The following DISP1 variants were observed in gnomAD, a reference collection of about 807,000 sequenced individuals.
DISP1 encodes protein dispatched homolog 1.
Under a neutral mutation model 37.3 loss-of-function variants are expected in DISP1, and 30 were observed. The ratio of observed to expected loss-of-function variants is 0.80; its 90% CI spans 0.60 to 1.09. DISP1 has a LOEUF of 1.09. Among genes scored for constraint, DISP1 ranks in the 50% least tolerant of loss-of-function variants. DISP1 has a pLI of 0.00. For missense variants in DISP1, 1,598 were observed against 1,879.5 expected (o/e 0.85, Z 2.77); for synonymous variants, 634 against 690.2 (o/e 0.92, Z 1.28).
chr1:222,932,252 A>G (rs1673445468), intron 2 of DISP1, among the ~76,000 whole-genome samples: 1 of 151,902 alleles, frequency 6.6e-6, no homozygotes, highest in African/African-American at 2.4e-5. Flanking sequence ...AAAAAATGCT[A>G]ATGTCCACAC....
intron 1 of DISP1, among the ~76,000 whole-genome samples, chr1:222,826,604 G>C (rs1228899798): frequency 6.6e-6 from 1 of 151,602 alleles, no homozygotes; most frequent in Non-Finnish European, 1.5e-5. Context: ...GCCCAGGCTG[G>C]TCTCAAACTC....
chr1:222,972,767 G>T (rs187984026), intron 3 of DISP1, among the ~76,000 whole-genome samples: 3 of 152,192 alleles, frequency 2.0e-5, no homozygotes, highest in African/African-American at 7.2e-5. Context: ...TGTTTGTACT[G>T]TACCTATACG....
chr1:222,902,808 C>T (rs1442555849), intron 1 of DISP1, among the ~76,000 whole-genome samples: 5 of 151,578 alleles, frequency 3.3e-5, no homozygotes, highest in African/African-American at 1.2e-4. Context: ...ACAACAGGTG[C>T]TGGAGAGGAT....
chr1:222,964,794 T>C (rs1468373505), intron 3 of DISP1, among the ~76,000 whole-genome samples: 2 of 152,206 alleles, frequency 1.3e-5, no homozygotes, highest in Non-Finnish European at 2.9e-5. Context: ...TAGTAGTAAT[T>C]GGAGAAATTA....
intron 3 of DISP1, 64 bp from the exon 4 acceptor site, chr1:222,983,016 T>A: frequency 8.0e-7 from 1 of 1,253,910 alleles, no homozygotes. Context: ...AAGCCTTTGT[T>A]TATGTTATGA....
chr1:222,874,497 G>C (rs1385002507), intron 1 of DISP1, among the ~76,000 whole-genome samples: 2 of 151,668 alleles, frequency 1.3e-5, no homozygotes, highest in Non-Finnish European at 2.9e-5. Flanking sequence ...TTCACACTTC[G>C]TTTCATTCAT....
chr1:222,846,047 C>T (rs1667876463), intron 1 of DISP1, among the ~76,000 whole-genome samples: 1 of 152,126 alleles, frequency 6.6e-6, no homozygotes, highest in Non-Finnish European at 1.5e-5. Context: ...TCTAGATTTT[C>T]TTCTAGAAAT....
intron 3 of DISP1, among the ~76,000 whole-genome samples, chr1:222,972,489 T>G (rs940175157): frequency 2.6e-5 from 4 of 152,126 alleles, no homozygotes; most frequent in Non-Finnish European, 4.4e-5. Context: ...ATTTCTATTA[T>G]CCACTTCAAT....
chr1:222,875,316 A>G (rs1274633362), intron 1 of DISP1, among the ~76,000 whole-genome samples: 1 of 152,068 alleles, frequency 6.6e-6, no homozygotes, highest in Non-Finnish European at 1.5e-5. Flanking sequence ...CCTTCTCAAA[A>G]AAATAATTAA....
intron 1 of DISP1, among the ~76,000 whole-genome samples, chr1:222,865,364 A>G (rs894356648): frequency 2.0e-5 from 3 of 152,132 alleles, no homozygotes; most frequent in African/African-American, 7.2e-5. Context: ...TTTTTGTTTT[A>G]AAGAAAATGT....
intron 1 of DISP1, among the ~76,000 whole-genome samples, chr1:222,836,755 A>G (rs1423822720): frequency 6.8e-6 from 1 of 147,864 alleles, no homozygotes; most frequent in Non-Finnish European, 1.5e-5. Flanking sequence ...ATATATATAT[A>G]TATATATACA....
chr1:222,912,319 T>C (rs191581450), intron 1 of DISP1, among the ~76,000 whole-genome samples: 2 of 152,322 alleles, frequency 1.3e-5, no homozygotes, highest in Admixed American at 6.5e-5. Context: ...TTTCTCTCAA[T>C]AAATTGTTTT....
intron 1 of DISP1, among the ~76,000 whole-genome samples, chr1:222,862,442 A>G (rs75492457): frequency 0.044 from 6,679 of 152,098 alleles, 434 homozygotes; most frequent in African/African-American, 0.14. Context: ...ACGAAAATCT[A>G]GTAATTTAAC....
chr1:222,907,853 G>T (rs1031567925), intron 1 of DISP1, among the ~76,000 whole-genome samples: 3 of 152,178 alleles, frequency 2.0e-5, no homozygotes, highest in Non-Finnish European at 4.4e-5. Flanking sequence ...GGAGGCTGAG[G>T]CAGGAGAATT....
intron 1 of DISP1, among the ~76,000 whole-genome samples, chr1:222,910,781 G>T (rs72742237): frequency 2.9e-3 from 439 of 152,318 alleles, no homozygotes; most frequent in Non-Finnish European, 4.8e-3. Context: ...GAAGAAATAT[G>T]TAGGATTCAG....
At position 222,977,342 on chromosome 1, in the gene DISP1, C is replaced by CTTTT. The variant is rs397982983; in HGVS notation, c.510-5722_510-5719dup. ...AGCCACCACGCCCGGTCAGCATATT[C>CTTTT]TTTTTTTTTTTTTTTTTTTCAAAGA... On this transcript the variant is annotated intron_variant, in intron 3 of 8. Transcript: ENST00000675850. Among the ~76,000 whole-genome samples, 134 of 113,866 alleles carry CTTTT rather than the reference C, an allele frequency of 1.2e-3. 3 individuals carry two copies. Among genetic ancestry groups the CTTTT allele is most frequent in the African/African-American group, 4.4e-3 (127 of 28,792 alleles). The allele number at this position is 113,866 out of a possible 152,430, so 74.7% of individuals were successfully genotyped here.
intron 1 of DISP1, among the ~76,000 whole-genome samples, chr1:222,844,662 C>T (rs1244901812): frequency 2.6e-5 from 4 of 152,034 alleles, no homozygotes; most frequent in Non-Finnish European, 5.9e-5. Flanking sequence ...GCAAATAGGC[C>T]ATGAGCCAAT....
At chr1:222,865,955 ATCT>A (rs1182470471) in intron 1 of DISP1, among the ~76,000 whole-genome samples, 2 of 152,100 alleles carry the variant, frequency 1.3e-5, no homozygotes, top group Non-Finnish European at 2.9e-5. Flanking sequence ...GTCATGCAGT[ATCT>A]TCTTGTAGGA....
intron 3 of DISP1, among the ~76,000 whole-genome samples, chr1:222,976,097 T>C (rs959277080): frequency 4.6e-5 from 7 of 152,150 alleles, no homozygotes; most frequent in African/African-American, 1.7e-4. Flanking sequence ...TATTGCTGCT[T>C]ATTTGGGTTT....
Sources: gnomAD v4.1 joint callset for allele counts (sites outside exome capture counted in the v4.1 genomes callset) on GRCh38, gnomAD v4.1.1 for gene constraint, MANE v1.5 for transcripts, NCBI Gene and HGNC (gene_info 2026-07-23, HGNC 2026-07-21) for gene names.